RECK: variants seen among roughly 807,000 people sequenced by gnomAD.
RECK encodes reversion inducing cysteine rich protein with kazal motifs.
A neutral mutation model predicts 115.1 loss-of-function variants in RECK; 69 were observed. The ratio of observed to expected loss-of-function variants is 0.60; its 90% CI spans 0.49 to 0.73. The LOEUF (loss-of-function observed/expected upper bound fraction) is 0.73, where lower values mean the gene tolerates loss of function less well. Ranked by LOEUF, RECK falls within the 30% of genes least tolerant of loss-of-function variation. The pLI, the probability that RECK is intolerant of heterozygous loss-of-function variation, is 0.00. For missense variants in RECK, 1,047 were observed against 1,203.7 expected, an observed-to-expected ratio of 0.87 and a Z score of 1.93; for synonymous variants, 414 against 419.7, an observed-to-expected ratio of 0.99 and a Z score of 0.17.
intron 6 of RECK, among the ~76,000 whole-genome samples, chr9:36,070,776 A>G (rs1469974789): frequency 6.6e-6 from 1 of 152,186 alleles, no homozygotes; most frequent in Non-Finnish European, 1.5e-5. Flanking sequence ...TATATCCTTC[A>G]CTACTTAAGA....
At chr9:36,120,875 C>A (rs576506035) in intron 19 of RECK, 139 bp downstream of exon 19, 165 of 641,238 alleles carry the variant, frequency 2.6e-4, no homozygotes, top group Non-Finnish European at 4.2e-4. Context: ...GGCCATATAG[C>A]CCTTAATCAG....
chr9:36,090,145 G>T (rs1028789986), intron 9 of RECK, among the ~76,000 whole-genome samples: 10 of 152,050 alleles, frequency 6.6e-5, no homozygotes. Context: ...GACAGAGTGA[G>T]ACTCTGTCTC....
chr9:36,120,608 T>G, intron 18 of RECK, 55 bp from the exon 19 acceptor site: 2 of 1,403,012 alleles, frequency 1.4e-6, no homozygotes, highest in Admixed American at 1.7e-5. Context: ...CTAAGGATTT[T>G]AAATTCTCTT....
rs1490618546 is a variant in RECK, at chr9:36,083,287, G to T, written c.440-78G>T. On this transcript the variant is annotated intron_variant, in intron 7 of 20. Transcript: ENST00000377966. ...TTTCTCAAATTTAGAAAGACATATT[G>T]TTCCATCATTATGATGATGATTTAA... The T allele has an allele frequency of 2.9e-6, 4 of 1,376,978 alleles. No homozygotes were observed. The East Asian group carries it at 9.2e-5, about 32-fold the overall frequency. The allele number at this position is 1,376,978 out of a possible 1,614,324, so 85.3% of individuals were successfully genotyped here.
intron 9 of RECK, among the ~76,000 whole-genome samples, chr9:36,088,919 G>A (rs1823059504): frequency 1.3e-5 from 2 of 152,172 alleles, no homozygotes; most frequent in African/African-American, 2.4e-5. Context: ...TACTTGAGAG[G>A]CTGAGGCAGA....
At chr9:36,072,339 T>C (rs2132605124) in intron 6 of RECK, among the ~76,000 whole-genome samples, 1 of 152,282 alleles carries the variant, frequency 6.6e-6, no homozygotes, top group Non-Finnish European at 1.5e-5. Context: ...AGCAGGGATA[T>C]CAGGACCAAC....
intron 6 of RECK, among the ~76,000 whole-genome samples, chr9:36,073,242 A>C (rs956322888): frequency 4.9e-4 from 18 of 36,704 alleles, no homozygotes; most frequent in African/African-American, 2.0e-3. Flanking sequence ...ACACACACAG[A>C]CACACACACA....
intron 12 of RECK, among the ~76,000 whole-genome samples, chr9:36,102,649 C>T (rs925144400): frequency 6.6e-6 from 1 of 151,438 alleles, no homozygotes; most frequent in Non-Finnish European, 1.5e-5. Context: ...ACTCACCCAA[C>T]AGGGTATAAA....
intron 10 of RECK, among the ~76,000 whole-genome samples, chr9:36,096,406 G>A (rs1378418974): frequency 2.6e-5 from 4 of 150,974 alleles, no homozygotes; most frequent in Non-Finnish European, 5.9e-5. Context: ...ACATGGTGTC[G>A]GGCACCTGTA....
intron 6 of RECK, among the ~76,000 whole-genome samples, chr9:36,080,080 G>T (rs7044935): frequency 0.025 from 3,873 of 152,174 alleles, 171 homozygotes; most frequent in African/African-American, 0.087. Context: ...TTCAAGTCTT[G>T]TTTAAAATTT....
intron 6 of RECK, among the ~76,000 whole-genome samples, chr9:36,071,640 A>G (rs1822233655): frequency 6.6e-6 from 1 of 152,116 alleles, no homozygotes; most frequent in Non-Finnish European, 1.5e-5. Flanking sequence ...GCTTTCTTCA[A>G]TACACTTTTT....
Position 36,105,331 on chromosome 9 carries a change from G to A in RECK, c.1576+48G>A. 1.9e-6 allele frequency: 3 copies of A among 1,594,002 alleles called. 1 individual carries two copies. In the South Asian group the frequency reaches 3.3e-5, roughly 18 times the overall value. On this transcript the variant is annotated intron_variant, in intron 13 of 20. Transcript: ENST00000377966. ...AAGAGGATGGATAGGTGCTGCTAGTGTTTCTTTATAGGAGCTATCTTTCTT... is the reference window on the plus strand; with the variant it reads ...AAGAGGATGGATAGGTGCTGCTAGTATTTCTTTATAGGAGCTATCTTTCTT...
At chr9:36,072,026 A>G (rs1822249249) in intron 6 of RECK, among the ~76,000 whole-genome samples, 1 of 152,222 alleles carries the variant, frequency 6.6e-6, no homozygotes, top group South Asian at 2.1e-4. Context: ...TATTTTCTGC[A>G]TATAAAAGTA....
chr9:36,082,800 T>TGG lies in RECK; in HGVS notation c.440-565_440-564insGG, dbSNP rs879795795. 5.6e-3 allele frequency among the ~76,000 whole-genome samples: 859 copies of TGG among 152,376 alleles called. 7 individuals are homozygous for TGG. The highest frequency in any genetic ancestry group is 0.021 in the South Asian group (100 of 4,830). On this transcript the variant is annotated intron_variant, in intron 7 of 20. Coordinates refer to ENST00000377966, the MANE Select transcript of RECK (RefSeq NM_021111.3). Reference sequence around the variant, plus strand: ...ACTTTTGGGATTTTGTTTCAAGATATACAGTTATATAAATGTCAAATTTAT... The same window carrying TGG: ...ACTTTTGGGATTTTGTTTCAAGATATGGACAGTTATATAAATGTCAAATTTAT...
intron 4 of RECK, 75 bp from the exon 5 acceptor site, chr9:36,063,720 G>C (rs1821875444): frequency 2.2e-6 from 3 of 1,360,822 alleles, no homozygotes; most frequent in Non-Finnish European, 3.1e-6. Context: ...TTTAGTAGTA[G>C]CCTTGAAACA....
chr9:36,069,298 G>A (rs1029110316), intron 6 of RECK, among the ~76,000 whole-genome samples: 11 of 151,968 alleles, frequency 7.2e-5, no homozygotes, highest in South Asian at 6.2e-4. Context: ...CCAGCACTTC[G>A]GGAGGCTGAG....
intron 6 of RECK, among the ~76,000 whole-genome samples, chr9:36,071,297 T>C (rs891358781): frequency 2.0e-5 from 3 of 152,240 alleles, no homozygotes; most frequent in African/African-American, 7.2e-5. Flanking sequence ...CTTTCTTGAA[T>C]GTCACAATAA....
intron 4 of RECK, among the ~76,000 whole-genome samples, chr9:36,063,229 G>A (rs773471616): frequency 3.0e-4 from 45 of 152,066 alleles, no homozygotes; most frequent in Non-Finnish European, 4.7e-4. Flanking sequence ...AATTGAACCA[G>A]AATAATACAT....
At chr9:36,057,232 G>C (rs1380218076) in intron 2 of RECK, among the ~76,000 whole-genome samples, 1 of 150,878 alleles carries the variant, frequency 6.6e-6, no homozygotes, top group Non-Finnish European at 1.5e-5. Flanking sequence ...TTATGAATTT[G>C]ATCTTCACCA....
Sources: allele counts gnomAD v4.1 joint callset (sites outside exome capture counted in the v4.1 genomes callset), GRCh38; gene constraint gnomAD v4.1.1; transcripts MANE v1.5; gene names NCBI Gene and HGNC (gene_info 2026-07-23, HGNC 2026-07-21).